DMD: variants seen among roughly 807,000 people sequenced by gnomAD.
DMD encodes mutant dystrophin.
DMD carries 63 observed loss-of-function variants against 330.1 expected under a neutral mutation model. The observed-to-expected ratio is 0.19, with a 90% CI of 0.16 to 0.24. DMD has a LOEUF of 0.24. Among genes scored for constraint, DMD ranks in the 10% least tolerant of loss-of-function variants. The pLI, the probability that DMD is intolerant of heterozygous loss-of-function variation, is 1.00. For synonymous variants in DMD, 1,223 were observed against 959.8 expected (o/e 1.27, Z -5.07); for missense variants, 3,344 against 2,684.1 (o/e 1.25, Z -5.43).
intron 61 of DMD, among the ~76,000 whole-genome samples, chrX:31,341,622 T>C (rs1028041786): frequency 1.8e-5 from 2 of 111,340 alleles, no homozygotes; most frequent in East Asian, 2.8e-4. Context: ...GCAGATAGAC[T>C]AGACAGTTAT....
chrX:32,136,343 G>A (rs2096724733), intron 44 of DMD, among the ~76,000 whole-genome samples: 1 of 112,273 alleles, frequency 8.9e-6, no homozygotes, highest in African/African-American at 3.2e-5. Flanking sequence ...AAGAAAAACT[G>A]ATTCCATTTA....
At chrX:32,911,698 T>G (rs2087258208) in intron 2 of DMD, among the ~76,000 whole-genome samples, 1 of 111,443 alleles carries the variant, frequency 9.0e-6, no homozygotes, top group Admixed American at 9.7e-5. Flanking sequence ...AAAGTTAAGT[T>G]TGACATTGTC....
At chrX:31,638,080 T>C (rs1283546131) in intron 54 of DMD, among the ~76,000 whole-genome samples, 2 of 112,156 alleles carry the variant, frequency 1.8e-5, no homozygotes, top group African/African-American at 6.5e-5. Flanking sequence ...CAATTTTTTT[T>C]CTGAATTTTC....
intron 1 of DMD, among the ~76,000 whole-genome samples, chrX:33,166,513 G>T (rs760167854): frequency 1.8e-5 from 2 of 111,185 alleles, no homozygotes; most frequent in Admixed American, 1.9e-4. Context: ...AAAGCGCAAA[G>T]TTATTTTGAT....
intron 55 of DMD, among the ~76,000 whole-genome samples, chrX:31,589,098 TAAA>T (rs58975023): frequency 9.9e-6 from 1 of 100,612 alleles, no homozygotes. Flanking sequence ...GTCATGCAAG[TAAA>T]AAAAAAAAAA....
chrX:32,223,561 T>C (rs187087362), intron 43 of DMD, among the ~76,000 whole-genome samples: 31 of 111,953 alleles, frequency 2.8e-4, no homozygotes, highest in Admixed American at 1.2e-3. Flanking sequence ...AGTGTATATA[T>C]AGAAGTGAAA....
At chrX:32,025,148 G>A (rs1363696885) in intron 44 of DMD, among the ~76,000 whole-genome samples, 1 of 111,537 alleles carries the variant, frequency 9.0e-6, no homozygotes, top group African/African-American at 3.3e-5. Context: ...AGGCAACAAA[G>A]AACATGTATA....
chrX:31,808,651 T>C (rs1169459418), intron 50 of DMD, among the ~76,000 whole-genome samples: 1 of 111,275 alleles, frequency 9.0e-6, no homozygotes, highest in Non-Finnish European at 1.9e-5. Context: ...GTCAGTTGTA[T>C]TGGAAAAAAT....
intron 1 of DMD, among the ~76,000 whole-genome samples, chrX:33,311,628 T>A (rs1205664286): frequency 9.0e-6 from 1 of 110,769 alleles, no homozygotes; most frequent in South Asian, 3.8e-4. Context: ...TACACGATGA[T>A]CTAGTACAAG....
intron 74 of DMD, among the ~76,000 whole-genome samples, chrX:31,163,488 C>G (rs1250519405): frequency 1.8e-5 from 2 of 111,945 alleles, no homozygotes; most frequent in East Asian, 5.6e-4. Context: ...ACTTGAATGC[C>G]TAGTTTCGTT....
chrX:32,557,409 T>A (rs1450582648), intron 16 of DMD, among the ~76,000 whole-genome samples: 2 of 112,084 alleles, frequency 1.8e-5, no homozygotes, highest in African/African-American at 6.5e-5. Flanking sequence ...TATGTTTGGC[T>A]CTTGACATGC....
At chrX:32,550,562 C>T (rs1200680875) in intron 16 of DMD, among the ~76,000 whole-genome samples, 3 of 110,675 alleles carry the variant, frequency 2.7e-5, no homozygotes, top group African/African-American at 9.8e-5. Context: ...AATTACAAAA[C>T]GAACATCACA....
intron 55 of DMD, among the ~76,000 whole-genome samples, chrX:31,547,189 A>G (rs2074192719): frequency 8.9e-6 from 1 of 112,479 alleles, no homozygotes; most frequent in African/African-American, 3.2e-5. Flanking sequence ...TCTGTTTAAC[A>G]TAACCTAACC....
At chrX:33,177,824 G>A (rs1385427666) in intron 1 of DMD, among the ~76,000 whole-genome samples, 1 of 111,797 alleles carries the variant, frequency 8.9e-6, no homozygotes, top group Non-Finnish European at 1.9e-5. Flanking sequence ...TTTTATAACT[G>A]AAACTTGATA....
intron 7 of DMD, among the ~76,000 whole-genome samples, chrX:32,790,734 G>C (rs149485999): frequency 1.8e-5 from 2 of 111,580 alleles, no homozygotes; most frequent in Non-Finnish European, 3.8e-5. Context: ...TGCAAATGCT[G>C]TCACTGTGAA....
rs2078922316 is a variant in DMD, at chrX:31,627,761, G to C, written c.8129C>G (p.Thr2710Arg). The C allele has an allele frequency of 2.5e-6, 3 of 1,209,400 alleles. No individual in the cohort carries two copies. The highest frequency in any genetic ancestry group is 3.4e-6 in the Non-Finnish European group (3 of 894,979). Residue 2710 changes from threonine (T) to arginine (R), a missense_variant, in exon 55 of 79, where the codon ACA (threonine) becomes AGA (arginine). By Grantham distance (71) the Thr-to-Arg change is moderately conservative. Transcript: ENST00000357033. ...KFLAWLTEAE[T>R]TANVLQDATR... Reference sequence around the variant, plus strand: ...AGCATCCTGTAGGACATTGGCAGTTGTTTCAGCTTCTGTAAGCCAGGCAAG... The same window carrying C: ...AGCATCCTGTAGGACATTGGCAGTTCTTTCAGCTTCTGTAAGCCAGGCAAG...
intron 17 of DMD, among the ~76,000 whole-genome samples, chrX:32,531,368 A>C (rs1278767994): frequency 9.0e-6 from 1 of 111,591 alleles, no homozygotes; most frequent in African/African-American, 3.3e-5. Flanking sequence ...ATTGATTTTA[A>C]CTAATTTTTG....
intron 7 of DMD, among the ~76,000 whole-genome samples, chrX:32,804,253 A>G (rs2148712116): frequency 8.9e-6 from 1 of 112,197 alleles, no homozygotes; most frequent in South Asian, 3.7e-4. Context: ...CCAGCACAGC[A>G]GTCTGAAGTG....
intron 9 of DMD, among the ~76,000 whole-genome samples, chrX:32,645,973 C>G (rs1194341994): frequency 9.0e-6 from 1 of 111,327 alleles, no homozygotes; most frequent in Admixed American, 9.6e-5. Flanking sequence ...GTCTCACAAC[C>G]CTTAATCCAA....
Sources: gnomAD v4.1 joint callset for allele counts (sites outside exome capture counted in the v4.1 genomes callset) on GRCh38, gnomAD v4.1.1 for gene constraint, MANE v1.5 for transcripts, NCBI Gene and HGNC (gene_info 2026-07-23, HGNC 2026-07-21) for gene names.